GP9: variants seen among roughly 807,000 people sequenced by gnomAD.
GP9 encodes the protein glycoprotein IX platelet.
For synonymous variants in GP9, 116 were observed against 116.7 expected (o/e 0.99, Z 0.04); for missense variants, 228 against 241.8 (o/e 0.94, Z 0.38).
the GP9 span, among the ~76,000 whole-genome samples, chr3:129,055,106 T>G: frequency 6.6e-6 from 1 of 152,170 alleles, no homozygotes; most frequent in Non-Finnish European, 1.5e-5. Context: ...GTAATGCTGG[T>G]CAGTTGTTGT....
upstream of GP9, among the ~76,000 whole-genome samples, chr3:129,058,193 C>T (rs920796834): frequency 2.0e-5 from 3 of 152,312 alleles, no homozygotes; most frequent in Admixed American, 1.3e-4. Flanking sequence ...ATTGATCATG[C>T]AGAGGAAGGG....
chr3:129,057,297 G>A (rs1379879180), upstream of GP9, among the ~76,000 whole-genome samples: 2 of 152,214 alleles, frequency 1.3e-5, no homozygotes, highest in African/African-American at 4.8e-5. Context: ...GCTGTGCCTT[G>A]GCAAGGGAGG....
At chr3:129,056,871 A>G (rs1347502166), upstream of GP9, among the ~76,000 whole-genome samples, 3 of 152,194 alleles carry the variant, frequency 2.0e-5, no homozygotes, top group Non-Finnish European at 2.9e-5. Flanking sequence ...CCTACCACGA[A>G]GCTTCAGATC....
chr3:129,056,559 G>A (rs1047566110), upstream of GP9, among the ~76,000 whole-genome samples: 1 of 152,182 alleles, frequency 6.6e-6, no homozygotes, highest in African/African-American at 2.4e-5. Context: ...TTGTGTCATA[G>A]GCATGTATCA....
At chr3:129,055,621 G>A in the GP9 span, among the ~76,000 whole-genome samples, 5 of 151,978 alleles carry the variant, frequency 3.3e-5, no homozygotes, top group African/African-American at 9.6e-5. Flanking sequence ...AGGGTGTGAG[G>A]GCCCCCTTTC....
chr3:129,061,642 C>T, intron 2 of GP9, 23 bp downstream of exon 2: 2 of 1,033,704 alleles, frequency 1.9e-6, no homozygotes, highest in Non-Finnish European at 2.9e-6. Flanking sequence ...CGTCCCATGT[C>T]AGGCTCCGCT....
At chr3:129,060,048 G>T (rs373143965), upstream of GP9, among the ~76,000 whole-genome samples, 26 of 152,212 alleles carry the variant, frequency 1.7e-4, 3 homozygotes, top group Admixed American at 5.9e-4. Flanking sequence ...CTGCCTCCTG[G>T]GTTCAAGCAA....
chr3:129,057,609 G>A (rs569508620), upstream of GP9, among the ~76,000 whole-genome samples: 5 of 152,242 alleles, frequency 3.3e-5, no homozygotes, highest in South Asian at 2.1e-4. Context: ...CCAAGAAGGC[G>A]AACGAAGACC....
upstream of GP9, among the ~76,000 whole-genome samples, chr3:129,057,981 A>G (rs1161586059): frequency 2.0e-5 from 3 of 151,680 alleles, no homozygotes; most frequent in Non-Finnish European, 4.4e-5. Flanking sequence ...TTACAGGCAT[A>G]CACCACCACG....
At position 129,061,821 on chromosome 3, in the gene GP9, G is replaced by A. The variant is rs759941195; in HGVS notation, c.82G>A (p.Ala28Thr). 8.7e-6 allele frequency: 14 copies of A among 1,612,618 alleles called. No homozygotes were observed. The highest frequency in any genetic ancestry group is 3.3e-5 in the Admixed American group (2 of 59,906). Residue 28 changes from alanine to threonine, a missense_variant, in exon 3 of 3, where the codon GCC becomes ACC. Transcript: ENST00000307395. Reference protein sequence around the residue: ...KDCPSPCTCRALETMGLWVDC... With the variant: ...KDCPSPCTCRTLETMGLWVDC... ...CTGCCCCAGCCCATGTACCTGCCGC[G>A]CCCTGGAAACCATGGGGCTGTGGGT...
rs747051704 is a variant in GP9 at position 129,062,066 on chromosome 3, G to T, written c.327G>T (p.Leu109=). Residue 109 remains leucine (L), a synonymous_variant, in exon 3 of 3, where the codon CTG becomes CTT. Coordinates refer to ENST00000307395, the MANE Select transcript of GP9 (RefSeq NM_000174.5). ...WLEDRTPEAL[L]QVRCASPSLA... is the part of the protein sequence containing the mutation. ...AGGACCGCACGCCCGAGGCCCTGCT[G>T]CAGGTCCGCTGTGCCAGCCCCAGCC... The T allele has an allele frequency of 6.2e-7, 1 of 1,611,896 alleles. No individual in the cohort carries two copies. Among genetic ancestry groups the T allele is most frequent in the Non-Finnish European group, 8.5e-7 (1 of 1,179,480 alleles).
At chr3:129,061,465 T>C in intron 1 of GP9, 29 bp from the exon 2 acceptor site, 1 of 562,336 alleles carries the variant, frequency 1.8e-6, no homozygotes, top group Non-Finnish European at 3.2e-6. Context: ...CCCTTCCCCT[T>C]CCCAAAAACA....
intron 1 of GP9, 52 bp from the exon 2 acceptor site, chr3:129,061,442 A>C: frequency 1.9e-6 from 1 of 526,124 alleles, no homozygotes; most frequent in Non-Finnish European, 3.5e-6. Flanking sequence ...GTCTCTGCTA[A>C]GGGCCAGGAA....
upstream of GP9, among the ~76,000 whole-genome samples, chr3:129,056,112 A>ATT (rs1946519885): frequency 1.3e-5 from 2 of 152,198 alleles, no homozygotes; most frequent in Non-Finnish European, 2.9e-5. Flanking sequence ...CATTCTGCAG[A>ATT]TGAGGAAACT....
upstream of GP9, among the ~76,000 whole-genome samples, chr3:129,059,774 G>C (rs1946555696): frequency 6.6e-6 from 1 of 152,200 alleles, no homozygotes; most frequent in South Asian, 2.1e-4. Context: ...CCATGCAGGA[G>C]GAGGAAGGCT....
In GP9 at chr3:129,062,141, C is replaced by A; in HGVS notation, c.402C>A (p.Ser134Arg). Reference sequence around the variant, plus strand: ...GGCTGACAGGCTACCAGCTGGGCAGCTGTGGCTGGCAGCTGCAGGCGTCCT... The same window carrying A: ...GGCTGACAGGCTACCAGCTGGGCAGATGTGGCTGGCAGCTGCAGGCGTCCT... ...LGRLTGYQLG[S>R]CGWQLQASWV... The change falls in exon 3 of 3, where the codon AGC (serine) becomes AGA (arginine). Residue 134 changes from serine (S) to arginine (R), a missense_variant. Transcript: ENST00000307395. The A allele has an allele frequency of 6.3e-7, 1 of 1,588,866 alleles. No individual in the cohort carries two copies. Among genetic ancestry groups the A allele is most frequent in the Middle Eastern group, 1.7e-4 (1 of 5,944 alleles).
At chr3:129,055,791 C>T (rs578016573), upstream of GP9, among the ~76,000 whole-genome samples, 2 of 152,120 alleles carry the variant, frequency 1.3e-5, no homozygotes, top group South Asian at 2.1e-4. Context: ...ATTACAGGCG[C>T]GTGACACCAC....
At chr3:129,057,527 G>A (rs1049814522), upstream of GP9, among the ~76,000 whole-genome samples, 3 of 152,162 alleles carry the variant, frequency 2.0e-5, no homozygotes. Context: ...AATAGGCAGG[G>A]GCCAAGCTAC....
upstream of GP9, among the ~76,000 whole-genome samples, chr3:129,056,689 G>A (rs1459384436): frequency 1.3e-5 from 2 of 152,194 alleles, no homozygotes; most frequent in Non-Finnish European, 1.5e-5. Flanking sequence ...ATAAGCAAAC[G>A]GCTGGGTGAG....
Sources: allele counts gnomAD v4.1 joint callset (sites outside exome capture counted in the v4.1 genomes callset), GRCh38; gene constraint gnomAD v4.1.1; transcripts MANE v1.5; gene names NCBI Gene and HGNC (gene_info 2026-07-23, HGNC 2026-07-21).